Variants in GJB2 observed in about 807,000 individuals in gnomAD.
GJB2 encodes gap junction beta-2 protein.
Under a neutral mutation model 16.0 loss-of-function variants are expected in GJB2, and 30 were observed. The observed-to-expected ratio is 1.88, with a 90% CI of 1.41 to 2.55. The LOEUF (loss-of-function observed/expected upper bound fraction) is 2.55. GJB2 is among the 30% of genes most tolerant of loss of function. The pLI is 0.00. For missense variants in GJB2, 284 were observed against 289.7 expected (o/e 0.98, Z 0.14); for synonymous variants, 123 against 119.1 (o/e 1.03, Z -0.21).
At position 20,189,290 on chromosome 13, in the gene GJB2, G is replaced by A. The variant is rs529440698; in HGVS notation, c.292C>T (p.Arg98Trp). The change falls in exon 2 of 2, where the codon CGG becomes TGG. Residue 98 changes from arginine (R) to tryptophan (W), a missense_variant. Physicochemically the swap from Arg to Trp is moderately radical, Grantham distance 101. Transcript: ENST00000382848. Reference sequence around the variant, plus strand: ...AACTTCCTCTTCTTCTCATGTCTCCGGTAGGCCACGTGCATGGCCACTAGG... The same window carrying A: ...AACTTCCTCTTCTTCTCATGTCTCCAGTAGGCCACGTGCATGGCCACTAGG... ...ALLVAMHVAY[R>W]RHEKKRKFIK... 23 of 1,613,864 alleles carry A rather than the reference G, an allele frequency of 1.4e-5. No homozygotes were observed. Among genetic ancestry groups the A allele is most frequent in the African/African-American group, 4.0e-5 (3 of 75,006 alleles).
In GJB2 at chr13:20,188,921, T is replaced by C; in HGVS notation, c.661A>G (p.Lys221Glu). 4 of 1,613,338 alleles carry C rather than the reference T, an allele frequency of 2.5e-6. No homozygotes were observed. Among genetic ancestry groups the C allele is most frequent in the Non-Finnish European group, 3.4e-6 (4 of 1,179,962 alleles). The change falls in exon 2 of 2, where the codon AAG becomes GAG. Residue 221 changes from lysine (K) to glutamate (E), a missense_variant. By Grantham distance (56) the Lys-to-Glu change is moderately conservative. Coordinates refer to ENST00000382848, the MANE Select transcript of GJB2 (RefSeq NM_004004.6). The part of the protein sequence containing the change: ...CYLLIRYCSG[K>E]SKKPV The stretch of plus-strand genomic sequence containing the variant: ...ATGCGTTAAACTGGCTTTTTTGACT[T>C]CCCAGAACAATATCTAATTAGCAAA...
rs749070779 is a variant in GJB2, at chr13:20,189,291, G to A, written c.291C>T (p.Tyr97=). 8.7e-6 allele frequency: 14 copies of A among 1,613,802 alleles called. No individual in the cohort carries two copies. The highest frequency in any genetic ancestry group is 5.9e-6 in the Non-Finnish European group (7 of 1,180,004). ...ACTTCCTCTTCTTCTCATGTCTCCGGTAGGCCACGTGCATGGCCACTAGGA... is the reference window on the plus strand; with the variant it reads ...ACTTCCTCTTCTTCTCATGTCTCCGATAGGCCACGTGCATGGCCACTAGGA... ...PALLVAMHVA[Y]RRHEKKRKFI... is the part of the protein sequence containing the mutation. Residue 97 remains tyrosine (Y), a synonymous_variant, in exon 2 of 2, where the codon TAC becomes TAT. Transcript: ENST00000382848.
chr13:20,188,618 C>T lies in GJB2; in HGVS notation c.*283G>A, dbSNP rs1200645953. ...CTGTTTAAAATATGAAAGTACCTTA[C>T]ACCAATAACCCCTAACAGCCTGGGG... On this transcript the variant is annotated 3_prime_UTR_variant, in exon 2 of 2. Coordinates refer to ENST00000382848, the MANE Select transcript of GJB2 (RefSeq NM_004004.6). The T allele has an allele frequency of 2.1e-6, 1 of 473,748 alleles. No homozygotes were observed. The highest frequency in any genetic ancestry group is 1.9e-5 in the African/African-American group (1 of 51,476). 29.3% of individuals were successfully genotyped at this position (473,748 alleles called of 1,614,324 possible).
Position 20,189,556 on chromosome 13 carries a change from A to T in GJB2, c.26T>A (p.Ile9Asn). The T allele has an allele frequency of 6.2e-7, 1 of 1,614,170 alleles. No homozygotes were observed. Among genetic ancestry groups the T allele is most frequent in the Non-Finnish European group, 8.5e-7 (1 of 1,180,022 alleles). ...GGAGTGTTTGTTCACACCCCCCAGG[A>T]TCGTCTGCAGCGTGCCCCAATCCAT... MDWGTLQT[I>N]LGGVNKHSTS... Residue 9 changes from isoleucine to asparagine, a missense_variant, in exon 2 of 2, where the codon ATC becomes AAC. Coordinates refer to ENST00000382848, the MANE Select transcript of GJB2 (RefSeq NM_004004.6).
chr13:20,189,125 C>A lies in GJB2; in HGVS notation c.457G>T (p.Val153Phe), dbSNP rs111033186. The change falls in exon 2 of 2, where the codon GTC (valine) becomes TTC (phenylalanine). Residue 153 changes from valine to phenylalanine, a missense_variant. Transcript: ENST00000382848. ...AAGCCGTCGTACATGACATAGAAGACGTACATGAAGGCGGCTTCGAAGATG... is the reference window on the plus strand; with the variant it reads ...AAGCCGTCGTACATGACATAGAAGAAGTACATGAAGGCGGCTTCGAAGATG... Reference protein sequence around the residue: ...RVIFEAAFMYVFYVMYDGFSM... With the variant: ...RVIFEAAFMYFFYVMYDGFSM... 3 of 1,614,130 alleles carry A rather than the reference C, an allele frequency of 1.9e-6. No individual in the cohort carries two copies. Among genetic ancestry groups the A allele is most frequent in the Non-Finnish European group, 2.5e-6 (3 of 1,180,040 alleles).
Position 20,188,869 on chromosome 13 carries a change from T to A in GJB2, c.*32A>T, listed in dbSNP as rs1959054433. ...GGGTTGCCTCATCCCTCTCATGCTGTCTATTTCTTAATCTAACAACTGGGC... is the reference window on the plus strand; with the variant it reads ...GGGTTGCCTCATCCCTCTCATGCTGACTATTTCTTAATCTAACAACTGGGC... On this transcript the variant is annotated 3_prime_UTR_variant, in exon 2 of 2. Coordinates refer to ENST00000382848, the MANE Select transcript of GJB2 (RefSeq NM_004004.6). 6.4e-7 allele frequency: 1 copy of A among 1,558,384 alleles called. No homozygotes were observed. The highest frequency in any genetic ancestry group is 8.8e-7 in the Non-Finnish European group (1 of 1,130,294).
In GJB2 at chr13:20,187,712, C is replaced by G. The variant is rs1959047713; in HGVS notation, c.*1189G>C. 1 of 152,166 alleles carries G rather than the reference C, an allele frequency of 6.6e-6. No homozygotes were observed. The highest frequency in any genetic ancestry group is 6.5e-5 in the Admixed American group (1 of 15,268). 9.4% of individuals were successfully genotyped at this position (152,166 alleles called of 1,614,324 possible). A position where few individuals can be genotyped will look rare whatever the true frequency, so the allele number is the denominator to read the frequency against. On this transcript the variant is annotated 3_prime_UTR_variant, in exon 2 of 2. Coordinates refer to ENST00000382848, the MANE Select transcript of GJB2 (RefSeq NM_004004.6). The stretch of plus-strand genomic sequence containing the variant: ...TCCTATAGATCTGCTCAATATTTAT[C>G]TAAACCTTAGCTTCTATTCTTTTCA...
chr13:20,189,511 C>G lies in GJB2; in HGVS notation c.71G>C (p.Trp24Ser). 8 of 1,614,180 alleles carry G rather than the reference C, an allele frequency of 5.0e-6. No homozygotes were observed. Among genetic ancestry groups the G allele is most frequent in the Non-Finnish European group, 6.8e-6 (8 of 1,180,034 alleles). ...NKHSTSIGKI[W>S]LTVLFIFRIM... ...GCGAAAAATGAAGAGGACGGTGAGCCAGATCTTTCCAATGCTGGTGGAGTG... is the reference window on the plus strand; with the variant it reads ...GCGAAAAATGAAGAGGACGGTGAGCGAGATCTTTCCAATGCTGGTGGAGTG... Residue 24 changes from tryptophan (W) to serine (S), a missense_variant, in exon 2 of 2, where the codon TGG becomes TCG. Trp to Ser is a radical substitution (Grantham distance 177). Transcript: ENST00000382848.
intron 1 of GJB2, among the ~76,000 whole-genome samples, chr13:20,191,597 G>A (rs1459369818): frequency 3.3e-5 from 5 of 152,200 alleles, no homozygotes; most frequent in African/African-American, 1.2e-4. Context: ...GAAGCAGGAC[G>A]AAGTTGTTTT....
chr13:20,190,847 C>T (rs1400984709), intron 1 of GJB2, among the ~76,000 whole-genome samples: 2 of 152,192 alleles, frequency 1.3e-5, no homozygotes, highest in African/African-American at 2.4e-5. Context: ...TCATTTTAGG[C>T]AAGTTGCATC....
intron 1 of GJB2, among the ~76,000 whole-genome samples, chr13:20,192,249 G>T (rs559591245): frequency 6.6e-6 from 1 of 152,224 alleles, no homozygotes; most frequent in Admixed American, 6.5e-5. Context: ...GGCCGGGATC[G>T]GCTGGCTCCG....
intron 1 of GJB2, 56 bp from the exon 2 acceptor site, chr13:20,189,659 G>T: frequency 7.6e-7 from 1 of 1,318,296 alleles, no homozygotes; most frequent in Non-Finnish European, 1.1e-6. Context: ...AGAACAGGGA[G>T]ACTTCTCTGA....
Position 20,189,042 on chromosome 13 carries a change from G to A in GJB2, c.540C>T (p.Cys180=). ...NAWPCPNTVD[C]FVSRPTEKTV... ...TCTTCTCCGTGGGCCGGGACACAAA[G>A]CAGTCCACAGTGTTGGGACAAGGCC... Residue 180 remains cysteine, a synonymous_variant, in exon 2 of 2, where the codon TGC becomes TGT. Coordinates refer to ENST00000382848, the MANE Select transcript of GJB2 (RefSeq NM_004004.6). The A allele has an allele frequency of 6.2e-7, 1 of 1,614,072 alleles. No individual in the cohort carries two copies. The highest frequency in any genetic ancestry group is 8.5e-7 in the Non-Finnish European group (1 of 1,179,988).
rs28931592 is a variant in GJB2 at position 20,189,106 on chromosome 13, T to A, written c.476A>T (p.Asp159Val). 42 of 1,614,090 alleles carry A rather than the reference T, an allele frequency of 2.6e-5. No individual in the cohort carries two copies. Among genetic ancestry groups the A allele is most frequent in the Admixed American group, 1.3e-4 (8 of 60,028 alleles). Residue 159 changes from aspartate to valine, a missense_variant, in exon 2 of 2, where the codon GAC (aspartate) becomes GTC (valine). Transcript: ENST00000382848. ...AFMYVFYVMY[D>V]GFSMQRLVKC... is the part of the protein sequence containing the mutation. ...CACCAGCCGCTGCATGGAGAAGCCG[T>A]CGTACATGACATAGAAGACGTACAT...
chr13:20,191,767 T>C (rs1959078212), intron 1 of GJB2, among the ~76,000 whole-genome samples: 1 of 152,168 alleles, frequency 6.6e-6, no homozygotes, highest in Non-Finnish European at 1.5e-5. Flanking sequence ...ACTAGGTGAA[T>C]CACCAGGATC....
rs1381472264 is a variant in GJB2, at chr13:20,187,476, TAG to T, written c.*1423_*1424del. 2.6e-5 allele frequency: 4 copies of T among 152,232 alleles called. No individual in the cohort carries two copies. Among genetic ancestry groups the T allele is most frequent in the Non-Finnish European group, 4.4e-5 (3 of 68,034 alleles). 9.4% of individuals were successfully genotyped at this position (152,232 alleles called of 1,614,324 possible). A position where few individuals can be genotyped will look rare whatever the true frequency, so the allele number is the denominator to read the frequency against. ...AACCATATTAGATTTTAAATTATTA[TAG>T]AGATTATATTTTAATGTTTTAAATG... is the stretch of plus-strand genomic sequence containing the variant. On this transcript the variant is annotated 3_prime_UTR_variant, in exon 2 of 2. Transcript: ENST00000382848.
In GJB2 at chr13:20,189,012, G is replaced by A. The variant is rs1456479047; in HGVS notation, c.570C>T (p.Val190=). ...CFVSRPTEKT[V]FTVFMIAVSG... ...ACACTGCAATCATGAACACTGTGAA[G>A]ACAGTCTTCTCCGTGGGCCGGGACA... Residue 190 remains valine, a synonymous_variant, in exon 2 of 2, where the codon GTC becomes GTT. Transcript: ENST00000382848. 1.2e-6 allele frequency: 2 copies of A among 1,613,806 alleles called. No homozygotes were observed. Among genetic ancestry groups the A allele is most frequent in the East Asian group, 2.2e-5 (1 of 44,880 alleles).
chr13:20,188,703 T>A lies in GJB2; in HGVS notation c.*198A>T, dbSNP rs1020334531. The A allele has an allele frequency of 6.6e-6, 4 of 604,806 alleles. No individual in the cohort carries two copies. Among genetic ancestry groups the A allele is most frequent in the Middle Eastern group, 4.3e-4 (1 of 2,342 alleles). The allele number at this position is 604,806 out of a possible 1,614,324, so 37.5% of individuals were successfully genotyped here. A position where few individuals can be genotyped will look rare whatever the true frequency, so the allele number is the denominator to read the frequency against. The stretch of plus-strand genomic sequence containing the variant: ...AGACAGGCATAGAATTAGGCCTTTG[T>A]TTTGAGGCTTTAGGGGAGCAGAGCT... On this transcript the variant is annotated 3_prime_UTR_variant, in exon 2 of 2. Coordinates refer to ENST00000382848, the MANE Select transcript of GJB2 (RefSeq NM_004004.6).
chr13:20,189,655 G>T, intron 1 of GJB2, 52 bp from the exon 2 acceptor site: 1 of 1,352,206 alleles, frequency 7.4e-7, no homozygotes, highest in Non-Finnish European at 1.1e-6. Context: ...GGACAGAACA[G>T]GGAGACTTCT....
Sources: allele counts gnomAD v4.1 joint callset (sites outside exome capture counted in the v4.1 genomes callset), GRCh38; gene constraint gnomAD v4.1.1; transcripts MANE v1.5; gene names NCBI Gene and HGNC (gene_info 2026-07-23, HGNC 2026-07-21).